The following LSAMP variants were observed in gnomAD, a reference collection of about 807,000 sequenced individuals.
LSAMP encodes the protein limbic system associated membrane protein, also known as limbic system-associated membrane protein.
In LSAMP, 7 loss-of-function variants were observed where a neutral mutation model predicts 38.6. The ratio of observed to expected loss-of-function variants is 0.18; its 90% CI spans 0.10 to 0.34. The LOEUF (loss-of-function observed/expected upper bound fraction) is 0.34, where lower values mean the gene tolerates loss of function less well. Among genes scored for constraint, LSAMP ranks in the 10% least tolerant of loss-of-function variants. LSAMP has a pLI of 1.00. For synonymous variants in LSAMP, 154 were observed against 166.8 expected, an observed-to-expected ratio of 0.92 and a Z score of 0.59; for missense variants, 313 against 420.0, an observed-to-expected ratio of 0.75 and a Z score of 2.23.
At chr3:115,930,002 G>GTTTTTTT (rs1170325465) in intron 3 of LSAMP, among the ~76,000 whole-genome samples, 6,771 of 80,260 alleles carry the variant, frequency 0.084, 1,788 homozygotes, top group South Asian at 0.18. Flanking sequence ...TTTAGCAGAA[G>GTTTTTTT]TTTTTTTTTT....
chr3:116,185,125 C>T (rs1481701309), intron 1 of LSAMP, among the ~76,000 whole-genome samples: 5 of 149,136 alleles, frequency 3.4e-5, no homozygotes, highest in Non-Finnish European at 5.9e-5. Flanking sequence ...TCCCTTCTCC[C>T]TCCAGAATTT....
At chr3:116,034,381 G>A (rs1165625097) in intron 2 of LSAMP, among the ~76,000 whole-genome samples, 1 of 152,080 alleles carries the variant, frequency 6.6e-6, no homozygotes, top group East Asian at 1.9e-4. Context: ...GAAAGGGCGA[G>A]CTGCTCCCTG....
chr3:116,288,302 G>C (rs918277930), intron 1 of LSAMP, among the ~76,000 whole-genome samples: 1 of 152,144 alleles, frequency 6.6e-6, no homozygotes. Flanking sequence ...TTTCCTCTCT[G>C]AATGGATTCT....
intron 3 of LSAMP, among the ~76,000 whole-genome samples, chr3:116,017,651 C>G (rs1940521389): frequency 6.6e-6 from 1 of 152,004 alleles, no homozygotes; most frequent in Admixed American, 6.6e-5. Flanking sequence ...TACTAACAGT[C>G]AAACAATAAA....
At chr3:116,391,084 T>C (rs1458133088) in intron 1 of LSAMP, among the ~76,000 whole-genome samples, 1 of 152,222 alleles carries the variant, frequency 6.6e-6, no homozygotes, top group Non-Finnish European at 1.5e-5. Flanking sequence ...GGATTTTGCA[T>C]CATATTGCAC....
chr3:115,902,871 G>A (rs1936913427), intron 3 of LSAMP, among the ~76,000 whole-genome samples: 1 of 152,126 alleles, frequency 6.6e-6, no homozygotes, highest in South Asian at 2.1e-4. Flanking sequence ...CAGAGAAAAA[G>A]CAACATCTAT....
At chr3:116,369,799 C>T (rs2048406152) in intron 1 of LSAMP, 1 of 152,464 alleles carries the variant, frequency 6.6e-6, no homozygotes, top group Admixed American at 6.6e-5. Context: ...TAATGTGGGC[C>T]CCTAATCCAA....
intron 3 of LSAMP, among the ~76,000 whole-genome samples, chr3:115,917,748 C>CA (rs1937285708): frequency 6.6e-6 from 1 of 151,760 alleles, no homozygotes; most frequent in East Asian, 1.9e-4. Flanking sequence ...TTTAGATACT[C>CA]AAAATGGAAT....
At chr3:116,046,459 C>G (rs1941290857) in intron 2 of LSAMP, among the ~76,000 whole-genome samples, 1 of 152,182 alleles carries the variant, frequency 6.6e-6, no homozygotes, top group Admixed American at 6.5e-5. Flanking sequence ...GCACAGAACT[C>G]TGGTCTAATT....
intron 1 of LSAMP, among the ~76,000 whole-genome samples, chr3:116,414,305 C>T (rs77009369): frequency 0.038 from 5,783 of 152,150 alleles, 357 homozygotes; most frequent in African/African-American, 0.13. Flanking sequence ...GCAGGTTTCT[C>T]AAAATTCTCT....
intron 1 of LSAMP, among the ~76,000 whole-genome samples, chr3:116,087,042 C>G (rs2107422773): frequency 6.6e-6 from 1 of 152,298 alleles, no homozygotes; most frequent in South Asian, 2.1e-4. Flanking sequence ...GAGTTTACTT[C>G]TAATCTTTAC....
intron 1 of LSAMP, among the ~76,000 whole-genome samples, chr3:116,418,235 C>T (rs1481277330): frequency 2.0e-5 from 3 of 152,140 alleles, no homozygotes; most frequent in Admixed American, 6.5e-5. Flanking sequence ...CAATCTTTAG[C>T]ACTGATCTCA....
chr3:115,911,518 AT>A (rs1198530731), intron 3 of LSAMP, among the ~76,000 whole-genome samples: 2 of 152,020 alleles, frequency 1.3e-5, no homozygotes, highest in African/African-American at 4.8e-5. Flanking sequence ...CGCCTGGCTA[AT>A]TTTTTGTAGA....
intron 1 of LSAMP, among the ~76,000 whole-genome samples, chr3:116,268,839 G>A (rs1018835895): frequency 2.0e-5 from 3 of 152,016 alleles, no homozygotes; most frequent in African/African-American, 7.2e-5. Context: ...AGAGGGCAGG[G>A]ATTTTCATGG....
chr3:116,072,752 GTTTTT>G (rs36091421), intron 2 of LSAMP, among the ~76,000 whole-genome samples: 1 of 112,356 alleles, frequency 8.9e-6, no homozygotes. Context: ...GTTGTTTGTG[GTTTTT>G]TTTTTTTTTT....
At chr3:116,141,950 G>C (rs1389381992) in intron 1 of LSAMP, among the ~76,000 whole-genome samples, 1 of 151,980 alleles carries the variant, frequency 6.6e-6, no homozygotes, top group Non-Finnish European at 1.5e-5. Context: ...ATCAACATTA[G>C]CAGCAGCTGA....
intron 1 of LSAMP, among the ~76,000 whole-genome samples, chr3:116,219,846 A>C (rs891222331): frequency 1.3e-5 from 2 of 152,200 alleles, no homozygotes; most frequent in African/African-American, 4.8e-5. Flanking sequence ...AAAATGACAT[A>C]TATATAATCT....
intron 3 of LSAMP, among the ~76,000 whole-genome samples, chr3:115,972,007 A>G (rs563011183): frequency 4.1e-4 from 62 of 152,222 alleles, no homozygotes; most frequent in African/African-American, 1.4e-3. Context: ...AAAGATGTAG[A>G]AAATAATTTT....
chr3:115,829,926 C>G (rs1241576344), intron 6 of LSAMP, among the ~76,000 whole-genome samples: 1 of 152,006 alleles, frequency 6.6e-6, no homozygotes, highest in Non-Finnish European at 1.5e-5. Context: ...AATATCAGTG[C>G]TTTTAAAAAT....
Sources: gnomAD v4.1 joint callset for allele counts (sites outside exome capture counted in the v4.1 genomes callset) on GRCh38, gnomAD v4.1.1 for gene constraint, MANE v1.5 for transcripts, NCBI Gene and HGNC (gene_info 2026-07-23, HGNC 2026-07-21) for gene names.